The following DPY19L2 variants were observed in gnomAD, a reference collection of about 807,000 sequenced individuals.
DPY19L2 encodes probable C-mannosyltransferase DPY19L2.
DPY19L2 carries 34 observed loss-of-function variants against 97.9 expected under a neutral mutation model. The ratio of observed to expected loss-of-function variants is 0.35; its 90% CI spans 0.26 to 0.46. The LOEUF is 0.46. Ranked by LOEUF, DPY19L2 falls within the 20% of genes least tolerant of loss-of-function variation. The probability of loss-of-function intolerance (pLI) is 1.00; values close to 1 mark genes in which losing one functional copy is unlikely to be tolerated. For synonymous variants in DPY19L2, 230 were observed against 307.9 expected (o/e 0.75, Z 2.65); for missense variants, 623 against 911.4 (o/e 0.68, Z 4.07).
At chr12:63,615,374 T>A (rs1163125018) in intron 11 of DPY19L2, among the ~76,000 whole-genome samples, 2 of 152,186 alleles carry the variant, frequency 1.3e-5, no homozygotes, top group African/African-American at 4.8e-5. Flanking sequence ...AGAGCCAGCA[T>A]AAGGCACTGA....
At chr12:63,648,085 C>T (rs971224391) in intron 4 of DPY19L2, among the ~76,000 whole-genome samples, 3 of 152,108 alleles carry the variant, frequency 2.0e-5, no homozygotes, top group Non-Finnish European at 4.4e-5. Context: ...ATCTTACTCT[C>T]CTACTGTCTG....
At chr12:63,600,976 G>A (rs995703495) in intron 12 of DPY19L2, among the ~76,000 whole-genome samples, 96 of 151,896 alleles carry the variant, frequency 6.3e-4, no homozygotes, top group African/African-American at 2.2e-3. Context: ...TAGTAGAGAC[G>A]GGGTTTCACC....
At chr12:63,576,973 C>T (rs1023744488) in intron 19 of DPY19L2, among the ~76,000 whole-genome samples, 4 of 151,958 alleles carry the variant, frequency 2.6e-5, no homozygotes, top group Non-Finnish European at 4.4e-5. Flanking sequence ...CCTAGAATAG[C>T]CAAAGCTACC....
chr12:63,602,637 C>T (rs1354701462), intron 12 of DPY19L2, among the ~76,000 whole-genome samples: 1 of 152,020 alleles, frequency 6.6e-6, no homozygotes, highest in Non-Finnish European at 1.5e-5. Flanking sequence ...AAGAAAAATT[C>T]CTCAGAACCT....
At chr12:63,576,596 T>C (rs2092978451) in intron 19 of DPY19L2, among the ~76,000 whole-genome samples, 2 of 151,718 alleles carry the variant, frequency 1.3e-5, no homozygotes, top group Admixed American at 1.3e-4. Flanking sequence ...TTCAGTAATG[T>C]TGTAGGATAC....
rs190174509 is a variant in DPY19L2 at position 63,595,467 on chromosome 12, A to T, written c.1533+499T>A. Among the ~76,000 whole-genome samples, 79 of 152,282 alleles carry T rather than the reference A, an allele frequency of 5.2e-4. 1 individual carries two copies. The highest frequency in any genetic ancestry group is 1.9e-3 in the African/African-American group (78 of 41,548). Reference sequence around the variant, plus strand: ...TCATGAAAACAGTGAACATGTAGAAAAGTATTTTTCAATTAGCTATACAGA... The same window carrying T: ...TCATGAAAACAGTGAACATGTAGAATAGTATTTTTCAATTAGCTATACAGA... On this transcript the variant is annotated intron_variant, in intron 15 of 21. Coordinates refer to ENST00000324472, the MANE Select transcript of DPY19L2 (RefSeq NM_173812.5).
intron 6 of DPY19L2, among the ~76,000 whole-genome samples, chr12:63,636,489 G>T (rs1462072132): frequency 6.6e-6 from 1 of 152,046 alleles, no homozygotes; most frequent in Non-Finnish European, 1.5e-5. Flanking sequence ...TGGCAAATTG[G>T]ATCAAGATCA....
At position 63,570,880 on chromosome 12, in the gene DPY19L2, T is replaced by A. The variant is rs749150041; in HGVS notation, c.1901-23A>T. Reference sequence around the variant, plus strand: ...CATCTGAAAAAAAAAAAAGGATATATTCTTCAATTAAATGTTTTAAAGAAA... The same window carrying A: ...CATCTGAAAAAAAAAAAAGGATATAATCTTCAATTAAATGTTTTAAAGAAA... On this transcript the variant is annotated intron_variant, in intron 19 of 21. Coordinates refer to ENST00000324472, the MANE Select transcript of DPY19L2 (RefSeq NM_173812.5). 18 of 1,588,452 alleles carry A rather than the reference T, an allele frequency of 1.1e-5. No homozygotes were observed. The South Asian group carries it at 1.9e-4, about 16-fold the overall frequency.
intron 4 of DPY19L2, among the ~76,000 whole-genome samples, chr12:63,655,446 A>G (rs967499247): frequency 2.6e-5 from 4 of 152,130 alleles, no homozygotes; most frequent in African/African-American, 4.8e-5. Context: ...TATTGAATCA[A>G]CTCCATATTC....
At chr12:63,650,030 T>C (rs1276307167) in intron 4 of DPY19L2, among the ~76,000 whole-genome samples, 8 of 152,166 alleles carry the variant, frequency 5.3e-5, no homozygotes, top group Non-Finnish European at 1.2e-4. Flanking sequence ...GGCAAATCAA[T>C]AAATATGATT....
At chr12:63,600,799 T>A (rs1885041640) in intron 12 of DPY19L2, among the ~76,000 whole-genome samples, 1 of 119,226 alleles carries the variant, frequency 8.4e-6, no homozygotes, top group Admixed American at 8.3e-5. Flanking sequence ...TTTTTTTTTT[T>A]TTTTGAGAGG....
chr12:63,624,894 G>A (rs1313067492), intron 7 of DPY19L2, among the ~76,000 whole-genome samples: 1 of 152,080 alleles, frequency 6.6e-6, no homozygotes, highest in Admixed American at 6.5e-5. Context: ...TGTTGGAAGA[G>A]GAATTATGAT....
rs1876144296 is a variant in DPY19L2, at chr12:63,559,819, A to C, written c.*693T>G. The C allele has an allele frequency of 6.6e-6, 1 of 152,148 alleles. No individual in the cohort carries two copies. Among genetic ancestry groups the C allele is most frequent in the East Asian group, 1.9e-4 (1 of 5,194 alleles). The allele number at this position is 152,148 out of a possible 1,614,324, so 9.4% of individuals were successfully genotyped here. On this transcript the variant is annotated 3_prime_UTR_variant, in exon 22 of 22. Transcript: ENST00000324472. ...AAAGAAAAGCCACTGGAATCTAAAG[A>C]GAGATGAATAACCTCTTGAGCTTAG...
At chr12:63,586,371 G>A (rs1881801166) in intron 16 of DPY19L2, among the ~76,000 whole-genome samples, 1 of 152,152 alleles carries the variant, frequency 6.6e-6, no homozygotes, top group Non-Finnish European at 1.5e-5. Context: ...TCCAAAGATT[G>A]CTGGTGTCTT....
intron 19 of DPY19L2, among the ~76,000 whole-genome samples, chr12:63,578,478 C>T (rs569093509): frequency 7.2e-5 from 11 of 152,140 alleles, no homozygotes; most frequent in South Asian, 2.1e-4. Flanking sequence ...GTTTGTAACA[C>T]GAAGGATCAA....
intron 19 of DPY19L2, among the ~76,000 whole-genome samples, chr12:63,571,875 C>T (rs983227591): frequency 2.0e-5 from 3 of 152,092 alleles, no homozygotes; most frequent in African/African-American, 7.2e-5. Context: ...GTGAAGGTTA[C>T]TATCATTTTT....
intron 6 of DPY19L2, among the ~76,000 whole-genome samples, chr12:63,630,151 G>C (rs1890334326): frequency 6.6e-6 from 1 of 152,244 alleles, no homozygotes; most frequent in East Asian, 1.9e-4. Flanking sequence ...GGAAGAAACT[G>C]CATCAACTAA....
At chr12:63,605,296 C>A (rs1425056804) in intron 12 of DPY19L2, among the ~76,000 whole-genome samples, 4 of 152,112 alleles carry the variant, frequency 2.6e-5, no homozygotes, top group Non-Finnish European at 5.9e-5. Flanking sequence ...TTCCCTGCTG[C>A]TGCTACCTGC....
chr12:63,599,586 C>T (rs1187864201), intron 13 of DPY19L2, among the ~76,000 whole-genome samples: 1 of 152,050 alleles, frequency 6.6e-6, no homozygotes, highest in African/African-American at 2.4e-5. Flanking sequence ...AATTGGATAG[C>T]ATTAAATGAG....
Sources: allele counts gnomAD v4.1 joint callset (sites outside exome capture counted in the v4.1 genomes callset), GRCh38; gene constraint gnomAD v4.1.1; transcripts MANE v1.5; gene names NCBI Gene and HGNC (gene_info 2026-07-23, HGNC 2026-07-21).